The following GDF10 variants were observed in gnomAD, a reference collection of about 807,000 sequenced individuals.
The protein encoded by GDF10 is growth/differentiation factor 10.
A neutral mutation model predicts 32.1 loss-of-function variants in GDF10; 23 were observed. The observed-to-expected ratio is 0.72, with a 90% CI of 0.52 to 1.02. GDF10 has a LOEUF of 1.02. Among genes scored for constraint, GDF10 ranks in the 50% least tolerant of loss-of-function variants. GDF10 has a pLI of 0.00. For missense variants in GDF10, 764 were observed against 673.9 expected, an observed-to-expected ratio of 1.13 and a Z score of -1.48; for synonymous variants, 328 against 303.1, an observed-to-expected ratio of 1.08 and a Z score of -0.85.
At chr10:47,306,198 C>T (rs1229377172) in intron 1 of GDF10, among the ~76,000 whole-genome samples, 1 of 152,228 alleles carries the variant, frequency 6.6e-6, no homozygotes, top group Non-Finnish European at 1.5e-5. Context: ...CAAGCACATA[C>T]ACTTGGAGCT....
At position 47,310,096 on chromosome 10, in the gene GDF10, C is replaced by A. The variant is rs781841433; in HGVS notation, c.620C>A (p.Ser207Tyr). 3.7e-6 allele frequency: 6 copies of A among 1,608,852 alleles called. No individual in the cohort carries two copies. The highest frequency in any genetic ancestry group is 3.3e-5 in the Admixed American group (2 of 59,954). The change falls in exon 2 of 3, where the codon TCC (serine) becomes TAC (tyrosine). Residue 207 changes from serine to tyrosine, a missense_variant. Ser to Tyr is a moderately radical substitution (Grantham distance 144). Coordinates refer to ENST00000580279, the MANE Select transcript of GDF10 (RefSeq NM_004962.5). ...PRGLWQAKDI[S>Y]PIVKAARRDG... Reference sequence around the variant, plus strand: ...GGCCTGTGGCAGGCCAAGGACATCTCCCCCATCGTCAAGGCGGCCCGCCGG... The same window carrying A: ...GGCCTGTGGCAGGCCAAGGACATCTACCCCATCGTCAAGGCGGCCCGCCGG...
chr10:47,307,883 G>A (rs2061028741), intron 1 of GDF10, among the ~76,000 whole-genome samples: 1 of 152,222 alleles, frequency 6.6e-6, no homozygotes, highest in African/African-American at 2.4e-5. Context: ...GATTCAAGAG[G>A]CAGAAAGCAC....
At chr10:47,306,244 T>C (rs2061022661) in intron 1 of GDF10, among the ~76,000 whole-genome samples, 1 of 152,234 alleles carries the variant, frequency 6.6e-6, no homozygotes, top group Non-Finnish European at 1.5e-5. Flanking sequence ...TTTCTTCCAA[T>C]TTAAAGATGA....
In GDF10 at chr10:47,309,907, G is replaced by C. The variant is rs537744290; in HGVS notation, c.431G>C (p.Arg144Pro). Residue 144 changes from arginine (R) to proline (P), a missense_variant, in exon 2 of 3, where the codon CGA (arginine) becomes CCA (proline). Arg to Pro is a moderately radical substitution (Grantham distance 103). Transcript: ENST00000580279. ...HFYSEPPRWP[R>P]ALEVLCKPRA... ...TACTCAGAGCCGCCTCGGTGGCCTCGAGCGCTCGAGGTGCTATGCAAGCCG... is the reference window on the plus strand; with the variant it reads ...TACTCAGAGCCGCCTCGGTGGCCTCCAGCGCTCGAGGTGCTATGCAAGCCG... 6.2e-7 allele frequency: 1 copy of C among 1,612,732 alleles called. No individual in the cohort carries two copies. The highest frequency in any genetic ancestry group is 1.1e-5 in the South Asian group (1 of 90,962).
intron 1 of GDF10, among the ~76,000 whole-genome samples, chr10:47,306,809 T>C (rs2061024537): frequency 6.6e-6 from 1 of 151,638 alleles, no homozygotes; most frequent in Admixed American, 6.6e-5. Flanking sequence ...GGCACAGTCC[T>C]GAGAATAAAG....
rs1346272580 is a variant in GDF10 at position 47,313,521 on chromosome 10, T to G, written c.*729T>G. On this transcript the variant is annotated 3_prime_UTR_variant, in exon 3 of 3. Coordinates refer to ENST00000580279, the MANE Select transcript of GDF10 (RefSeq NM_004962.5). ...TACTTTCTATACTGTAGATTGTGTA[T>G]GTTATGTGTTTTTATGGAAAGCTAA... 2 of 152,642 alleles carry G rather than the reference T, an allele frequency of 1.3e-5. No homozygotes were observed. The highest frequency in any genetic ancestry group is 4.8e-5 in the African/African-American group (2 of 41,450). 9.5% of individuals were successfully genotyped at this position (152,642 alleles called of 1,614,324 possible).
chr10:47,302,031 C>A (rs1555206889), intron 1 of GDF10, among the ~76,000 whole-genome samples: 1 of 152,246 alleles, frequency 6.6e-6, no homozygotes, highest in East Asian at 1.9e-4. Flanking sequence ...CCCTCCTCCT[C>A]CACTTAGCAG....
chr10:47,309,900 T>C lies in GDF10; in HGVS notation c.424T>C (p.Trp142Arg). The change falls in exon 2 of 3, where the codon TGG becomes CGG. Residue 142 changes from tryptophan (W) to arginine (R), a missense_variant. Physicochemically the swap from Trp to Arg is moderately radical, Grantham distance 101. Transcript: ENST00000580279. Reference sequence around the variant, plus strand: ...CCACTTCTACTCAGAGCCGCCTCGGTGGCCTCGAGCGCTCGAGGTGCTATG... The same window carrying C: ...CCACTTCTACTCAGAGCCGCCTCGGCGGCCTCGAGCGCTCGAGGTGCTATG... Reference protein sequence around the residue: ...TFHFYSEPPRWPRALEVLCKP... With the variant: ...TFHFYSEPPRRPRALEVLCKP... The C allele has an allele frequency of 6.2e-7, 1 of 1,612,874 alleles. No individual in the cohort carries two copies. The highest frequency in any genetic ancestry group is 1.1e-5 in the South Asian group (1 of 91,020).
Position 47,310,450 on chromosome 10 carries a change from C to T in GDF10, c.974C>T (p.Pro325Leu), listed in dbSNP as rs34512490. The T allele has an allele frequency of 6.2e-7, 1 of 1,613,506 alleles. No individual in the cohort carries two copies. The highest frequency in any genetic ancestry group is 8.5e-7 in the Non-Finnish European group (1 of 1,179,806). The change falls in exon 2 of 3, where the codon CCC becomes CTC. Residue 325 changes from proline (P) to leucine (L), a missense_variant. Pro to Leu is a moderately conservative substitution (Grantham distance 98). Transcript: ENST00000580279. ...CACTTCCACAAGCACCAGCTGTGGCCCAGCCCCTTCCGGGCGCTGAAACCC... is the reference window on the plus strand; with the variant it reads ...CACTTCCACAAGCACCAGCTGTGGCTCAGCCCCTTCCGGGCGCTGAAACCC... ...AQHFHKHQLW[P>L]SPFRALKPRP...
intron 1 of GDF10, among the ~76,000 whole-genome samples, chr10:47,302,324 C>T (rs1555206905): frequency 1.3e-5 from 2 of 152,164 alleles, no homozygotes; most frequent in East Asian, 3.9e-4. Flanking sequence ...CCAGCACTGG[C>T]CAGATTAAGT....
intron 1 of GDF10, among the ~76,000 whole-genome samples, chr10:47,305,456 C>T (rs146412532): frequency 4.6e-5 from 7 of 152,318 alleles, no homozygotes; most frequent in East Asian, 1.9e-4. Context: ...TGCATGGAAA[C>T]GGGCACTAAG....
At chr10:47,310,797 A>T in intron 2 of GDF10, 76 bp downstream of exon 2, 1 of 998,846 alleles carries the variant, frequency 1.0e-6, no homozygotes, top group East Asian at 2.4e-5. Flanking sequence ...AGCCTGCAGG[A>T]CTTCTGTTTC....
At chr10:47,306,982 G>A (rs554015742) in intron 1 of GDF10, among the ~76,000 whole-genome samples, 30 of 152,204 alleles carry the variant, frequency 2.0e-4, no homozygotes, top group African/African-American at 7.0e-4. Flanking sequence ...GAGCTTGGGG[G>A]GTGACCTGTG....
intron 1 of GDF10, among the ~76,000 whole-genome samples, chr10:47,308,995 G>C (rs561350991): frequency 1.3e-5 from 2 of 152,358 alleles, no homozygotes; most frequent in East Asian, 3.9e-4. Context: ...CAGGCAAATA[G>C]GAAGGAGTGG....
Position 47,312,803 on chromosome 10 carries a change from G to A in GDF10, c.*11G>A. On this transcript the variant is annotated 3_prime_UTR_variant, in exon 3 of 3. Coordinates refer to ENST00000580279, the MANE Select transcript of GDF10 (RefSeq NM_004962.5). ...TGTGCCTGCCGGTGAGACCACTCCA[G>A]GGTGGAAAGAAGCCACGCCCAGCAG... The A allele has an allele frequency of 6.5e-7, 1 of 1,527,004 alleles. No individual in the cohort carries two copies. The highest frequency in any genetic ancestry group is 1.3e-5 in the South Asian group (1 of 76,478). The allele number at this position is 1,527,004 out of a possible 1,614,324, so 94.6% of individuals were successfully genotyped here.
chr10:47,302,707 C>T, intron 1 of GDF10, among the ~76,000 whole-genome samples: 1 of 152,308 alleles, frequency 6.6e-6, no homozygotes, highest in Middle Eastern at 3.4e-3. Context: ...CAGGGGTTGG[C>T]AACTCCCATC....
At chr10:47,303,421 G>A (rs1413714541) in intron 1 of GDF10, among the ~76,000 whole-genome samples, 3 of 152,310 alleles carry the variant, frequency 2.0e-5, no homozygotes, top group East Asian at 3.9e-4. Flanking sequence ...CCAATTCTGC[G>A]ATCTGGGCAA....
In GDF10 at chr10:47,310,617, C is replaced by A; in HGVS notation, c.1141C>A (p.Leu381Met). Residue 381 changes from leucine (L) to methionine (M), a missense_variant, in exon 2 of 3, where the codon CTG (leucine) becomes ATG (methionine). By Grantham distance (15) the Leu-to-Met change is conservative. Coordinates refer to ENST00000580279, the MANE Select transcript of GDF10 (RefSeq NM_004962.5). ...DEPRVCSRRY[L>M]KVDFADIGWN... Reference sequence around the variant, plus strand: ...GCCGAGGGTGTGCTCCCGGAGGTACCTGAAGGTGGACTTCGCAGACATCGG... The same window carrying A: ...GCCGAGGGTGTGCTCCCGGAGGTACATGAAGGTGGACTTCGCAGACATCGG... The A allele has an allele frequency of 1.9e-6, 3 of 1,614,136 alleles. No individual in the cohort carries two copies. The highest frequency in any genetic ancestry group is 2.5e-6 in the Non-Finnish European group (3 of 1,179,936).
chr10:47,302,094 C>G (rs2061006831), intron 1 of GDF10, among the ~76,000 whole-genome samples: 1 of 152,242 alleles, frequency 6.6e-6, no homozygotes, highest in Non-Finnish European at 1.5e-5. Flanking sequence ...TAACTCCATC[C>G]TCACTCATAA....
Sources: gnomAD v4.1 joint callset for allele counts (sites outside exome capture counted in the v4.1 genomes callset) on GRCh38, gnomAD v4.1.1 for gene constraint, MANE v1.5 for transcripts, NCBI Gene and HGNC (gene_info 2026-07-23, HGNC 2026-07-21) for gene names.